JMJD1C: variants seen among roughly 807,000 people sequenced by gnomAD.
The protein encoded by JMJD1C is jumonji domain containing 1C, also known as jumonji domain-containing protein 1C.
A neutral mutation model predicts 245.3 loss-of-function variants in JMJD1C; 31 were observed. The ratio of observed to expected loss-of-function variants is 0.13; its 90% CI spans 0.09 to 0.17. JMJD1C has a LOEUF of 0.17. Ranked by LOEUF, JMJD1C falls within the 10% of genes least tolerant of loss-of-function variation. The probability of loss-of-function intolerance (pLI) is 1.00; values close to 1 mark genes in which losing one functional copy is unlikely to be tolerated. For synonymous variants in JMJD1C, 1,057 were observed against 1,017.4 expected (o/e 1.04, Z -0.74); for missense variants, 2,691 against 3,000.2 (o/e 0.90, Z 2.41).
intron 2 of JMJD1C, among the ~76,000 whole-genome samples, chr10:63,347,457 C>T (rs1013318193): frequency 2.0e-5 from 3 of 151,088 alleles, no homozygotes; most frequent in South Asian, 2.1e-4. Flanking sequence ...TGGTGGCGCA[C>T]GCCTGTAGTC....
At chr10:63,424,380 T>A (rs1950307680) in intron 1 of JMJD1C, among the ~76,000 whole-genome samples, 1 of 151,674 alleles carries the variant, frequency 6.6e-6, no homozygotes. Context: ...ATTTTTGAAA[T>A]GAAAAACAAA....
At chr10:63,178,951 G>C (rs34069123) in intron 22 of JMJD1C, among the ~76,000 whole-genome samples, 30,678 of 152,030 alleles carry the variant, frequency 0.2, 4,065 homozygotes, top group Non-Finnish European at 0.29. Flanking sequence ...TGGATATATT[G>C]CCTAGCGGTG....
In JMJD1C at chr10:63,208,542, C is replaced by G. The variant is rs1846938649; in HGVS notation, c.3127G>C (p.Glu1043Gln). The G allele has an allele frequency of 1.9e-6, 3 of 1,614,154 alleles. No individual in the cohort carries two copies. Among genetic ancestry groups the G allele is most frequent in the Non-Finnish European group, 2.5e-6 (3 of 1,179,998 alleles). ...APFTTKIKGLEGERENYSRVA... is the reference protein window; with the variant it reads ...APFTTKIKGLQGERENYSRVA... Reference sequence around the variant, plus strand: ...CTGGAATAATTCTCTCTCTCACCCTCAAGTCCCTTGATTTTAGTTGTAAAG... The same window carrying G: ...CTGGAATAATTCTCTCTCTCACCCTGAAGTCCCTTGATTTTAGTTGTAAAG... Residue 1043 changes from glutamate to glutamine, a missense_variant, in exon 10 of 26, where the codon GAG (glutamate) becomes CAG (glutamine). Glu to Gln is a conservative substitution (Grantham distance 29). Coordinates refer to ENST00000399262, the MANE Select transcript of JMJD1C (RefSeq NM_032776.3).
intron 2 of JMJD1C, among the ~76,000 whole-genome samples, chr10:63,377,284 G>C (rs1946818428): frequency 6.6e-6 from 1 of 152,198 alleles, no homozygotes; most frequent in Non-Finnish European, 1.5e-5. Flanking sequence ...TACAGTTTCA[G>C]TTTTGCAAGA....
chr10:63,240,002 C>T (rs186075219), intron 3 of JMJD1C, among the ~76,000 whole-genome samples: 4 of 152,278 alleles, frequency 2.6e-5, no homozygotes, highest in Non-Finnish European at 4.4e-5. Context: ...GCATTTATTA[C>T]ATTGTATATC....
chr10:63,465,400 G>C (rs368226718), intron 1 of JMJD1C, 95 bp downstream of exon 1: 9 of 1,288,212 alleles, frequency 7.0e-6, no homozygotes, highest in Non-Finnish European at 9.4e-6. Flanking sequence ...CAGTTGGCCG[G>C]GCTGAGCGAG....
chr10:63,180,507 G>T (rs1055812280), intron 22 of JMJD1C, among the ~76,000 whole-genome samples: 3 of 152,156 alleles, frequency 2.0e-5, no homozygotes, highest in Non-Finnish European at 4.4e-5. Flanking sequence ...AATGTTATCT[G>T]TGACAAAGTC....
chr10:63,320,409 G>A (rs769052425), intron 2 of JMJD1C, among the ~76,000 whole-genome samples: 7 of 151,736 alleles, frequency 4.6e-5, no homozygotes, highest in Non-Finnish European at 7.4e-5. Flanking sequence ...TATTTGGTCT[G>A]TGTGCTCATT....
chr10:63,457,594 G>A lies in JMJD1C; in HGVS notation c.168+7901C>T, dbSNP rs549899692. 2.0e-5 allele frequency among the ~76,000 whole-genome samples: 3 copies of A among 152,286 alleles called. 1 individual carries two copies. The East Asian group carries it at 5.8e-4, about 29-fold the overall frequency. On this transcript the variant is annotated intron_variant, in intron 1 of 25. Coordinates refer to ENST00000399262, the MANE Select transcript of JMJD1C (RefSeq NM_032776.3). ...AATTAAGAAGATGAAAGGAACTGCA[G>A]ACAGGAAGGAAGGAGAAATAAAAGT... is the stretch of plus-strand genomic sequence containing the variant.
At chr10:63,466,430 AAACT>A (rs1432196111), upstream of JMJD1C, 4 of 152,390 alleles carry the variant, frequency 2.6e-5, no homozygotes, top group Admixed American at 1.3e-4. Context: ...CTTCTACTGA[AAACT>A]AAGCCCCAAA....
intron 1 of JMJD1C, among the ~76,000 whole-genome samples, chr10:63,462,418 C>G (rs1952858308): frequency 6.6e-6 from 1 of 152,078 alleles, no homozygotes; most frequent in African/African-American, 2.4e-5. Flanking sequence ...ATGTTTGCTA[C>G]CACGGTGTGG....
Position 63,305,143 on chromosome 10 carries a change from C to T in JMJD1C, c.334-40379G>A, listed in dbSNP as rs896050096. Among the ~76,000 whole-genome samples, 3 of 151,842 alleles carry T rather than the reference C, an allele frequency of 2.0e-5. No individual in the cohort carries two copies. The East Asian group carries it at 5.8e-4, about 29-fold the overall frequency. On this transcript the variant is annotated intron_variant, in intron 2 of 25. Coordinates refer to ENST00000399262, the MANE Select transcript of JMJD1C (RefSeq NM_032776.3). ...CAATACTTTGGGAGGCCGAGGCGGGCGGATCACAAGGTCAGGAGATCGAGA... is the reference window on the plus strand; with the variant it reads ...CAATACTTTGGGAGGCCGAGGCGGGTGGATCACAAGGTCAGGAGATCGAGA...
chr10:63,282,327 A>G (rs1857509055), intron 2 of JMJD1C, among the ~76,000 whole-genome samples: 1 of 152,226 alleles, frequency 6.6e-6, no homozygotes, highest in African/African-American at 2.4e-5. Context: ...ATTAACATTT[A>G]GGTGACAATG....
intron 2 of JMJD1C, among the ~76,000 whole-genome samples, chr10:63,308,236 C>T (rs1266600939): frequency 2.0e-5 from 3 of 152,044 alleles, no homozygotes; most frequent in Admixed American, 2.0e-4. Flanking sequence ...GACTCTGCAC[C>T]CAGAATTCTT....
Position 63,208,723 on chromosome 10 carries a change from A to G in JMJD1C, c.2946T>C (p.Asn982=). 1.2e-6 allele frequency: 2 copies of G among 1,613,758 alleles called. No individual in the cohort carries two copies. The highest frequency in any genetic ancestry group is 1.7e-6 in the Non-Finnish European group (2 of 1,179,740). Residue 982 remains asparagine, a synonymous_variant, in exon 10 of 26, where the codon AAT becomes AAC. Coordinates refer to ENST00000399262, the MANE Select transcript of JMJD1C (RefSeq NM_032776.3). The part of the protein sequence containing the change: ...STSAKNDLDL[N]RSQTGKDCHL... ...GACAATCTTTTCCAGTCTGTGACCT[A>G]TTTAGATCCAGGTCATTTTTGGCTG...
At chr10:63,512,116 T>G (rs1480639881) in intron 1 of JMJD1C, among the ~76,000 whole-genome samples, 1 of 152,178 alleles carries the variant, frequency 6.6e-6, no homozygotes, top group African/African-American at 2.4e-5. Flanking sequence ...CACTTATACC[T>G]AAGTACCATG....
upstream of JMJD1C, among the ~76,000 whole-genome samples, chr10:63,467,103 G>A (rs966583961): frequency 1.3e-5 from 2 of 152,086 alleles, no homozygotes; most frequent in African/African-American, 2.4e-5. Flanking sequence ...ACTCAAGCTG[G>A]GCAATTTGAA....
At chr10:63,332,294 A>C (rs553804625) in intron 2 of JMJD1C, among the ~76,000 whole-genome samples, 4 of 152,194 alleles carry the variant, frequency 2.6e-5, no homozygotes, top group African/African-American at 9.7e-5. Flanking sequence ...ACTAAATTTG[A>C]TGTCAATTCA....
At chr10:63,391,320 C>T (rs372002655) in intron 1 of JMJD1C, among the ~76,000 whole-genome samples, 9 of 152,116 alleles carry the variant, frequency 5.9e-5, no homozygotes, top group East Asian at 1.9e-4. Flanking sequence ...ACCATCCTGG[C>T]TAACACGGTG....
Sources: allele counts gnomAD v4.1 joint callset (sites outside exome capture counted in the v4.1 genomes callset), GRCh38; gene constraint gnomAD v4.1.1; transcripts MANE v1.5; gene names NCBI Gene and HGNC (gene_info 2026-07-23, HGNC 2026-07-21).